Variants in DDX10 observed in about 807,000 individuals in gnomAD.
DDX10 encodes the protein probable ATP-dependent RNA helicase DDX10.
A neutral mutation model predicts 104.3 loss-of-function variants in DDX10; 74 were observed. The ratio of observed to expected loss-of-function variants is 0.71; its 90% confidence interval spans 0.59 to 0.86. The LOEUF (loss-of-function observed/expected upper bound fraction) is 0.86, where lower values mean the gene tolerates loss of function less well. DDX10 is among the 40% of genes least tolerant of loss of function. The pLI is 0.00. For missense variants in DDX10, 952 were observed against 1,040.0 expected (o/e 0.92, Z 1.16); for synonymous variants, 351 against 353.4 (o/e 0.99, Z 0.08).
At chr11:108,931,539 T>C (rs77190507) in intron 17 of DDX10, among the ~76,000 whole-genome samples, 150 of 152,272 alleles carry the variant, frequency 9.9e-4, no homozygotes, top group African/African-American at 3.5e-3. Context: ...CATTTCAACA[T>C]TAAACAGGGA....
intron 7 of DDX10, among the ~76,000 whole-genome samples, chr11:108,690,085 C>T (rs886790312): frequency 2.0e-5 from 3 of 151,954 alleles, no homozygotes; most frequent in Admixed American, 6.6e-5. Context: ...TTTCAAGGAC[C>T]GATTTTAGAT....
At chr11:108,771,511 ATT>A (rs1357181831) in intron 13 of DDX10, among the ~76,000 whole-genome samples, 2 of 151,868 alleles carry the variant, frequency 1.3e-5, no homozygotes, top group African/African-American at 4.8e-5. Flanking sequence ...CGTCCAGCTA[ATT>A]TTTTTGTATC....
chr11:108,900,090 C>T (rs757842582), intron 16 of DDX10, among the ~76,000 whole-genome samples: 1 of 151,226 alleles, frequency 6.6e-6, no homozygotes, highest in African/African-American at 2.4e-5. Context: ...CCAGCCTGGA[C>T]AGCAAGAGCA....
chr11:108,846,329 G>T (rs934722167), intron 15 of DDX10, among the ~76,000 whole-genome samples: 2 of 151,946 alleles, frequency 1.3e-5, no homozygotes, highest in Non-Finnish European at 2.9e-5. Context: ...TATTAACATG[G>T]TCACCAAGCT....
chr11:108,738,912 C>T (rs527606067), intron 13 of DDX10, among the ~76,000 whole-genome samples: 10 of 152,220 alleles, frequency 6.6e-5, no homozygotes, highest in Admixed American at 5.9e-4. Flanking sequence ...TGGAGACAGG[C>T]CTGGGTTGGT....
intron 16 of DDX10, among the ~76,000 whole-genome samples, chr11:108,872,751 T>C (rs183858732): frequency 9.2e-5 from 14 of 152,282 alleles, no homozygotes; most frequent in Admixed American, 7.2e-4. Flanking sequence ...TGATAATATT[T>C]CTCTATAGCA....
intron 13 of DDX10, among the ~76,000 whole-genome samples, chr11:108,799,709 G>C (rs1861993102): frequency 6.6e-6 from 1 of 152,172 alleles, no homozygotes; most frequent in Non-Finnish European, 1.5e-5. Flanking sequence ...CCTCTGGAAT[G>C]TTTGTTTTAT....
At chr11:108,770,314 A>C (rs916545730) in intron 13 of DDX10, among the ~76,000 whole-genome samples, 1 of 152,148 alleles carries the variant, frequency 6.6e-6, no homozygotes, top group Non-Finnish European at 1.5e-5. Context: ...ATGTTCTTTA[A>C]GTTATCTAAA....
At chr11:108,837,436 C>CT (rs34570598) in intron 13 of DDX10, among the ~76,000 whole-genome samples, 10 of 151,960 alleles carry the variant, frequency 6.6e-5, no homozygotes, top group Admixed American at 6.6e-4. Flanking sequence ...GCAGGTTATG[C>CT]TATGACCTCT....
At chr11:108,836,663 AT>A (rs1271924301) in intron 13 of DDX10, among the ~76,000 whole-genome samples, 2 of 151,836 alleles carry the variant, frequency 1.3e-5, no homozygotes, top group African/African-American at 4.8e-5. Context: ...ATTTTTTTAT[AT>A]TTTTAGTAGA....
chr11:108,689,264 A>C (rs2094248849), intron 7 of DDX10, among the ~76,000 whole-genome samples: 1 of 152,236 alleles, frequency 6.6e-6, no homozygotes. Flanking sequence ...CTTAGGTATT[A>C]TGTTAAGTGC....
In DDX10 at chr11:108,807,519, T is replaced by A. The variant is rs145163303; in HGVS notation, c.1966-30927T>A. Among the ~76,000 whole-genome samples the A allele has an allele frequency of 8.7e-4, 132 of 152,108 alleles. 1 individual carries two copies. Among genetic ancestry groups the A allele is most frequent in the African/African-American group, 3.1e-3 (129 of 41,510 alleles). On this transcript the variant is annotated intron_variant, in intron 13 of 17. Transcript: ENST00000322536. Reference sequence around the variant, plus strand: ...GGGGAAGTTTTGAGAGATAAGAAAATGAATTGACTAGATGTGGTGACAATG... The same window carrying A: ...GGGGAAGTTTTGAGAGATAAGAAAAAGAATTGACTAGATGTGGTGACAATG...
intron 13 of DDX10, among the ~76,000 whole-genome samples, chr11:108,811,288 G>T (rs751565158): frequency 9.9e-5 from 15 of 152,148 alleles, no homozygotes; most frequent in Non-Finnish European, 1.9e-4. Flanking sequence ...TAAAGTTAAG[G>T]GCTAAATTAT....
chr11:108,784,116 A>G (rs1276195307), intron 13 of DDX10, among the ~76,000 whole-genome samples: 4 of 152,204 alleles, frequency 2.6e-5, no homozygotes, highest in African/African-American at 9.6e-5. Flanking sequence ...TTGAATATAC[A>G]AGTACATATA....
At chr11:108,765,548 A>G (rs967788567) in intron 13 of DDX10, among the ~76,000 whole-genome samples, 4 of 152,220 alleles carry the variant, frequency 2.6e-5, no homozygotes, top group African/African-American at 9.6e-5. Context: ...CCAAAATGCA[A>G]TAAAATATTT....
At chr11:108,733,629 C>T (rs2094314939) in intron 13 of DDX10, among the ~76,000 whole-genome samples, 1 of 152,216 alleles carries the variant, frequency 6.6e-6, no homozygotes. Context: ...TCTGACTTGC[C>T]TCGGTATGAT....
intron 13 of DDX10, among the ~76,000 whole-genome samples, chr11:108,811,697 G>A (rs1029320338): frequency 1.3e-5 from 2 of 152,052 alleles, no homozygotes; most frequent in Non-Finnish European, 2.9e-5. Flanking sequence ...TTTTCACGGA[G>A]TAGGAAAGAA....
chr11:108,797,562 A>G (rs1861962601), intron 13 of DDX10, among the ~76,000 whole-genome samples: 1 of 152,220 alleles, frequency 6.6e-6, no homozygotes, highest in South Asian at 2.1e-4. Flanking sequence ...TCTATTTAGT[A>G]AAGAGGGCTT....
intron 16 of DDX10, among the ~76,000 whole-genome samples, chr11:108,883,068 C>T (rs1422298562): frequency 1.3e-5 from 2 of 151,950 alleles, no homozygotes; most frequent in East Asian, 3.9e-4. Context: ...GGGTTTTTCC[C>T]CCCTCTCTTG....
Sources: allele counts gnomAD v4.1 joint callset (sites outside exome capture counted in the v4.1 genomes callset), GRCh38; gene constraint gnomAD v4.1.1; transcripts MANE v1.5; gene names NCBI Gene and HGNC (gene_info 2026-07-23, HGNC 2026-07-21).